Variants in ESR1 observed in about 807,000 individuals in gnomAD.
The protein encoded by ESR1 is estrogen receptor.
In ESR1, 12 loss-of-function variants were observed where a neutral mutation model predicts 52.7. The ratio of observed to expected loss-of-function variants is 0.23; its 90% CI spans 0.15 to 0.37. The LOEUF is 0.37. Ranked by LOEUF, ESR1 falls within the 10% of genes least tolerant of loss-of-function variation. The pLI is 1.00. For synonymous variants in ESR1, 305 were observed against 316.8 expected, an observed-to-expected ratio of 0.96 and a Z score of 0.39; for missense variants, 584 against 779.7, an observed-to-expected ratio of 0.75 and a Z score of 2.99.
rs540955558 is a variant in ESR1, at chr6:151,916,034, G to A, written c.761-28139G>A. 1.1e-4 allele frequency among the ~76,000 whole-genome samples: 16 copies of A among 152,298 alleles called. 1 individual carries two copies. In the South Asian group the frequency reaches 3.3e-3, roughly 32 times the overall value. On this transcript the variant is annotated intron_variant, in intron 3 of 7. Coordinates refer to ENST00000206249, the MANE Select transcript of ESR1 (RefSeq NM_000125.4). ...CAATTGTAAGCAAAGGATCCAGTTG[G>A]TAATTGGTGAAATGAACAGATGTGG...
Position 151,956,766 on chromosome 6 carries a change from T to A in ESR1, c.1096+12258T>A, listed in dbSNP as rs577530296. Among the ~76,000 whole-genome samples, 16 of 148,700 alleles carry A rather than the reference T, an allele frequency of 1.1e-4. 1 individual carries two copies. The South Asian group carries it at 3.1e-3, about 29-fold the overall frequency. ...ACCCTTCTCCTTTCTCTCTCTTCCATGTGACAAATACATGTCTGTATACAT... is the reference window on the plus strand; with the variant it reads ...ACCCTTCTCCTTTCTCTCTCTTCCAAGTGACAAATACATGTCTGTATACAT... On this transcript the variant is annotated intron_variant, in intron 4 of 7. Transcript: ENST00000206249.
At chr6:151,950,072 A>AG (rs1211657100) in intron 4 of ESR1, among the ~76,000 whole-genome samples, 4 of 152,094 alleles carry the variant, frequency 2.6e-5, no homozygotes, top group Admixed American at 2.6e-4. Context: ...TAAAAAGGGG[A>AG]GTTTTTCTGC....
chr6:151,834,010 G>T (rs544948186), intron 1 of ESR1, among the ~76,000 whole-genome samples: 12 of 152,202 alleles, frequency 7.9e-5, no homozygotes, highest in Non-Finnish European at 1.3e-4. Context: ...ACCATCTCAC[G>T]CCAGTTAGAA....
At chr6:151,696,662 A>T (rs367779375) in intron 1 of ESR1, among the ~76,000 whole-genome samples, 13 of 152,220 alleles carry the variant, frequency 8.5e-5, no homozygotes, top group African/African-American at 2.9e-4. Context: ...GACAATCTCT[A>T]TCAGGTGTGA....
chr6:152,096,447 G>A (rs1031526048), intron 7 of ESR1, among the ~76,000 whole-genome samples: 1 of 152,100 alleles, frequency 6.6e-6, no homozygotes, highest in African/African-American at 2.4e-5. Context: ...TTAGCTCCTG[G>A]GAAAATAGAT....
chr6:152,018,091 G>A (rs1190391076), intron 5 of ESR1, among the ~76,000 whole-genome samples: 1 of 152,090 alleles, frequency 6.6e-6, no homozygotes, highest in Admixed American at 6.6e-5. Context: ...TTGGACAACA[G>A]AAAGTTCTTT....
intron 4 of ESR1, among the ~76,000 whole-genome samples, chr6:151,990,902 G>C (rs1390382388): frequency 6.6e-6 from 1 of 152,094 alleles, no homozygotes; most frequent in East Asian, 1.9e-4. Context: ...TATGGGAATA[G>C]ATAAGATTAT....
chr6:152,118,120 G>A (rs774969930), intron 6 of ESR1: 4 of 152,150 alleles, frequency 2.6e-5, no homozygotes, highest in Non-Finnish European at 5.9e-5. Context: ...CATAAACTGG[G>A]TGACCAAGAA....
chr6:151,701,489 G>A (rs978734992), intron 1 of ESR1, among the ~76,000 whole-genome samples: 3 of 138,292 alleles, frequency 2.2e-5, no homozygotes, highest in Admixed American at 7.7e-5. Context: ...AGACCGCACC[G>A]TTGCACTCCA....
intron 6 of ESR1, among the ~76,000 whole-genome samples, chr6:152,070,940 G>A (rs1407634975): frequency 7.2e-6 from 1 of 138,808 alleles, no homozygotes; most frequent in Non-Finnish European, 1.5e-5. Context: ...CTGTGGCTTT[G>A]TCAACCGTTG....
intron 2 of ESR1, among the ~76,000 whole-genome samples, chr6:151,715,797 G>A (rs1196918455): frequency 6.6e-6 from 1 of 152,098 alleles, no homozygotes; most frequent in African/African-American, 2.4e-5. Flanking sequence ...TCAGCTCAGA[G>A]GAGTTTGTTA....
chr6:151,736,777 A>G (rs1782713625), intron 2 of ESR1, among the ~76,000 whole-genome samples: 1 of 152,126 alleles, frequency 6.6e-6, no homozygotes. Flanking sequence ...CAGATAGGAA[A>G]GCGGTACAGT....
chr6:152,065,311 T>C lies in ESR1; in HGVS notation c.1369+4187T>C, dbSNP rs184490430. On this transcript the variant is annotated intron_variant, in intron 6 of 7. Transcript: ENST00000206249. ...TTGAGAGACCCTGATGAAAACTCTA[T>C]GGTGAATTGCTGTGGAGTCACATGG... Among the ~76,000 whole-genome samples, 25 of 152,300 alleles carry C rather than the reference T, an allele frequency of 1.6e-4. No individual in the cohort carries two copies. In the East Asian group the frequency reaches 4.8e-3, roughly 29 times the overall value.
At chr6:151,732,796 G>A (rs996437334) in intron 2 of ESR1, among the ~76,000 whole-genome samples, 1 of 152,104 alleles carries the variant, frequency 6.6e-6, no homozygotes, top group African/African-American at 2.4e-5. Flanking sequence ...CTGTAACCAT[G>A]CCCCATGAAG....
chr6:151,953,703 A>G (rs886996250), intron 4 of ESR1, among the ~76,000 whole-genome samples: 27 of 151,440 alleles, frequency 1.8e-4, no homozygotes, highest in African/African-American at 5.8e-4. Context: ...CCGGAGTGAG[A>G]CTCCGTCTAA....
At chr6:151,707,382 A>T (rs1442158638) in intron 2 of ESR1, among the ~76,000 whole-genome samples, 1 of 152,098 alleles carries the variant, frequency 6.6e-6, no homozygotes, top group Non-Finnish European at 1.5e-5. Flanking sequence ...TATGTAAATT[A>T]AAAAACATAA....
intron 1 of ESR1, among the ~76,000 whole-genome samples, chr6:151,826,615 G>A (rs1781551014): frequency 6.6e-6 from 1 of 152,204 alleles, no homozygotes; most frequent in African/African-American, 2.4e-5. Context: ...ATTGAAATCA[G>A]TTTGGCAGCC....
At chr6:152,078,789 C>T (rs2048955444) in intron 6 of ESR1, among the ~76,000 whole-genome samples, 1 of 152,256 alleles carries the variant, frequency 6.6e-6, no homozygotes, top group African/African-American at 2.4e-5. Context: ...CTTTTCCCCA[C>T]AGTCTTGACA....
Position 151,944,314 on chromosome 6 carries a change from C to G in ESR1, c.902C>G (p.Ser301Cys), listed in dbSNP as rs2128527737. 6.2e-7 allele frequency: 1 copy of G among 1,614,138 alleles called. No individual in the cohort carries two copies. Among genetic ancestry groups the G allele is most frequent in the Non-Finnish European group, 8.5e-7 (1 of 1,180,024 alleles). The change falls in exon 4 of 8, where the codon TCT (serine) becomes TGT (cysteine). Residue 301 changes from serine (S) to cysteine (C), a missense_variant. Physicochemically the swap from Ser to Cys is moderately radical, Grantham distance 112 (BLOSUM62 -1). Coordinates refer to ENST00000206249, the MANE Select transcript of ESR1 (RefSeq NM_000125.4). ...LWPSPLMIKR[S>C]KKNSLALSLT... ...CCAAGCCCGCTCATGATCAAACGCT[C>G]TAAGAAGAACAGCCTGGCCTTGTCC...
Sources: gnomAD v4.1 joint callset for allele counts (sites outside exome capture counted in the v4.1 genomes callset) on GRCh38, gnomAD v4.1.1 for gene constraint, MANE v1.5 for transcripts, NCBI Gene and HGNC (gene_info 2026-07-23, HGNC 2026-07-21) for gene names.